Variants in ODAD2 observed in about 807,000 individuals in gnomAD.
ODAD2 encodes the protein outer dynein arm-docking complex subunit 2.
Under a neutral mutation model 106.8 loss-of-function variants are expected in ODAD2, and 89 were observed. The ratio of observed to expected loss-of-function variants is 0.83; its 90% CI spans 0.70 to 0.99. ODAD2 has a LOEUF of 0.99. Among genes scored for constraint, ODAD2 ranks in the 50% least tolerant of loss-of-function variants. The pLI is 0.00. For missense variants in ODAD2, 1,168 were observed against 1,238.5 expected, an observed-to-expected ratio of 0.94 and a Z score of 0.85; for synonymous variants, 404 against 436.2, an observed-to-expected ratio of 0.93 and a Z score of 0.92.
At chr10:27,836,921 C>T (rs900927069) in intron 19 of ODAD2, among the ~76,000 whole-genome samples, 3 of 152,100 alleles carry the variant, frequency 2.0e-5, no homozygotes, top group Non-Finnish European at 4.4e-5. Context: ...CTCAGCAGTT[C>T]ACGACTAAGC....
intron 10 of ODAD2, among the ~76,000 whole-genome samples, chr10:27,952,008 G>A (rs1404895842): frequency 2.2e-5 from 3 of 139,040 alleles, no homozygotes; most frequent in African/African-American, 7.8e-5. Context: ...TGGGGAGGCA[G>A]AGGTTGCAGT....
intron 9 of ODAD2, among the ~76,000 whole-genome samples, chr10:27,963,754 T>C (rs1485174426): frequency 6.6e-6 from 1 of 152,010 alleles, no homozygotes; most frequent in Non-Finnish European, 1.5e-5. Flanking sequence ...ATAGAGGTTA[T>C]CATATAATAT....
intron 17 of ODAD2, among the ~76,000 whole-genome samples, chr10:27,907,316 G>A (rs1201809592): frequency 6.6e-6 from 1 of 152,136 alleles, no homozygotes; most frequent in African/African-American, 2.4e-5. Flanking sequence ...CCCCATGGCT[G>A]CACTCTCTCT....
At chr10:27,875,805 G>T (rs12263357) in intron 17 of ODAD2, among the ~76,000 whole-genome samples, 1 of 152,188 alleles carries the variant, frequency 6.6e-6, no homozygotes, top group African/African-American at 2.4e-5. Context: ...GCCAAGGGAA[G>T]CTGTGAGAGA....
intron 19 of ODAD2, among the ~76,000 whole-genome samples, chr10:27,848,170 T>C (rs1427756489): frequency 2.0e-5 from 3 of 152,176 alleles, no homozygotes; most frequent in African/African-American, 4.8e-5. Flanking sequence ...GACTTTAAAC[T>C]ATACTACAAG....
Position 27,907,767 on chromosome 10 carries a change from G to A in ODAD2, c.2506C>T (p.Arg836Cys), listed in dbSNP as rs369264618. 59 of 1,612,312 alleles carry A rather than the reference G, an allele frequency of 3.7e-5. No homozygotes were observed. The African/African-American group carries it at 4.8e-4, about 13-fold the overall frequency. The stretch of plus-strand genomic sequence containing the variant: ...CACAACAAACGAACTCCATCTAAGC[G>A]ATCAATTATCCTATCGTGGAACCCA... ...VEPESMMIID[R>C]LDGVRLLWSL... Residue 836 changes from arginine to cysteine, a missense_variant, in exon 17 of 20, where the codon CGC (arginine) becomes TGC (cysteine). This residue lies in a region of ODAD2 where 701 missense variants were observed against 712.3 expected (regional missense o/e 0.98). Coordinates refer to ENST00000305242, the MANE Select transcript of ODAD2 (RefSeq NM_018076.5).
intron 17 of ODAD2, among the ~76,000 whole-genome samples, chr10:27,871,930 T>A (rs1840928397): frequency 6.6e-6 from 1 of 152,234 alleles, no homozygotes; most frequent in South Asian, 2.1e-4. Context: ...GTATTAAATC[T>A]ATAAATTACC....
chr10:27,924,260 A>G (rs1248987331), intron 16 of ODAD2, among the ~76,000 whole-genome samples: 1 of 151,818 alleles, frequency 6.6e-6, no homozygotes, highest in Non-Finnish European at 1.5e-5. Flanking sequence ...TTTTAAAGAA[A>G]AATTTCTCAT....
intron 17 of ODAD2, among the ~76,000 whole-genome samples, chr10:27,890,992 C>T (rs191471252): frequency 1.1e-4 from 16 of 152,190 alleles, no homozygotes; most frequent in African/African-American, 2.2e-4. Context: ...GCGATATATT[C>T]GACAGCCCAA....
At chr10:27,881,619 A>G (rs1841713865) in intron 17 of ODAD2, among the ~76,000 whole-genome samples, 1 of 151,980 alleles carries the variant, frequency 6.6e-6, no homozygotes, top group Non-Finnish European at 1.5e-5. Context: ...CCTGGGCAAC[A>G]GAGCAAAATC....
intron 2 of ODAD2, among the ~76,000 whole-genome samples, chr10:27,993,935 G>T (rs1160727197): frequency 6.7e-6 from 1 of 150,244 alleles, no homozygotes; most frequent in Non-Finnish European, 1.5e-5. Flanking sequence ...AATGCCTAAG[G>T]TGCAAAATAA....
rs1159178864 is a variant in ODAD2 at position 27,905,101 on chromosome 10, G to A, written c.2610+2562C>T. 4.7e-5 allele frequency: 10 copies of A among 211,386 alleles called. No homozygotes were observed. In the East Asian group the frequency reaches 1.0e-3, roughly 22 times the overall value. 13.1% of individuals were successfully genotyped at this position (211,386 alleles called of 1,614,324 possible). ...AGATCTAAGACGATGCTGGATATGA[G>A]GACATGCAAGCATTTTGAACTAGGA... On this transcript the variant is annotated intron_variant, in intron 17 of 19. Coordinates refer to ENST00000305242, the MANE Select transcript of ODAD2 (RefSeq NM_018076.5).
At chr10:27,893,670 G>GC (rs1475418525) in intron 17 of ODAD2, among the ~76,000 whole-genome samples, 1 of 152,174 alleles carries the variant, frequency 6.6e-6, no homozygotes, top group Non-Finnish European at 1.5e-5. Context: ...AAAATAAAAG[G>GC]CAATTCTTTC....
chr10:27,904,011 G>A (rs880707), intron 17 of ODAD2, among the ~76,000 whole-genome samples: 1 of 151,900 alleles, frequency 6.6e-6, no homozygotes, highest in South Asian at 2.1e-4. Context: ...AGGACTACCT[G>A]TTGCCAAAAA....
At chr10:27,870,114 A>T (rs1840749304) in intron 17 of ODAD2, among the ~76,000 whole-genome samples, 1 of 152,144 alleles carries the variant, frequency 6.6e-6, no homozygotes, top group Non-Finnish European at 1.5e-5. Flanking sequence ...GTCTAGAAGG[A>T]CATTAACAAA....
chr10:27,942,113 A>G (rs888040825), intron 12 of ODAD2, among the ~76,000 whole-genome samples: 1 of 152,214 alleles, frequency 6.6e-6, no homozygotes, highest in African/African-American at 2.4e-5. Context: ...ATGATGCAGT[A>G]TGGAAGTGCT....
intron 2 of ODAD2, among the ~76,000 whole-genome samples, chr10:27,990,690 A>T (rs1208553290): frequency 6.6e-6 from 1 of 152,186 alleles, no homozygotes; most frequent in African/African-American, 2.4e-5. Flanking sequence ...GTTGAGTGTA[A>T]CCTTAGAGAT....
intron 16 of ODAD2, among the ~76,000 whole-genome samples, chr10:27,911,605 G>A (rs1026217039): frequency 6.6e-6 from 1 of 152,098 alleles, no homozygotes; most frequent in African/African-American, 2.4e-5. Flanking sequence ...GCTTCTCCCC[G>A]TTATGCACTT....
At chr10:27,910,073 A>G (rs1433763738) in intron 16 of ODAD2, among the ~76,000 whole-genome samples, 1 of 151,892 alleles carries the variant, frequency 6.6e-6, no homozygotes, top group African/African-American at 2.4e-5. Context: ...CCCAGTCTTT[A>G]CCATTTCATA....
Sources: gnomAD v4.1 joint callset for allele counts (sites outside exome capture counted in the v4.1 genomes callset) on GRCh38, gnomAD v4.1.1 for gene constraint, gnomAD v4.1.1 regional missense constraint, MANE v1.5 for transcripts, NCBI Gene and HGNC (gene_info 2026-07-23, HGNC 2026-07-21) for gene names.